CEP152: variants seen among roughly 807,000 people sequenced by gnomAD.
The protein encoded by CEP152 is centrosomal protein of 152 kDa.
A neutral mutation model predicts 188.9 loss-of-function variants in CEP152; 132 were observed. The ratio of observed to expected loss-of-function variants is 0.70; its 90% CI spans 0.61 to 0.81. The LOEUF is 0.81. Ranked by LOEUF, CEP152 falls within the 30% of genes least tolerant of loss-of-function variation. The probability of loss-of-function intolerance (pLI) is 0.00; values close to 1 mark genes in which losing one functional copy is unlikely to be tolerated. For missense variants in CEP152, 1,914 were observed against 1,969.8 expected (o/e 0.97, Z 0.54); for synonymous variants, 649 against 666.6 (o/e 0.97, Z 0.41).
intron 18 of CEP152, among the ~76,000 whole-genome samples, 190 bp from the exon 19 acceptor site, chr15:48,760,456 C>T (rs1407164683): frequency 6.6e-6 from 1 of 152,200 alleles, no homozygotes; most frequent in African/African-American, 2.4e-5. Flanking sequence ...CTTCCCATAG[C>T]ATCCCATACA....
chr15:48,797,309 G>T lies in CEP152; in HGVS notation c.532C>A (p.His178Asn). ...VIKFSDPQWN[H>N]FQGPSCQGLE... ...TCAAGTTTTTACAATACCTGAAAAT[G>T]GTTCCATTGAGGATCTGAAAATTTA... The change falls in exon 5 of 27, where the codon CAT (histidine) becomes AAT (asparagine). Residue 178 changes from histidine (H) to asparagine (N), a missense_variant. Physicochemically the swap from His to Asn is moderately conservative, Grantham distance 68 (BLOSUM62 1). Coordinates refer to ENST00000380950, the MANE Select transcript of CEP152 (RefSeq NM_001194998.2). The T allele has an allele frequency of 6.2e-7, 1 of 1,613,950 alleles. No individual in the cohort carries two copies. Among genetic ancestry groups the T allele is most frequent in the Admixed American group, 1.7e-5 (1 of 60,016 alleles).
downstream of CEP152, among the ~76,000 whole-genome samples, chr15:48,737,102 G>A (rs1342210765): frequency 6.6e-6 from 1 of 152,146 alleles, no homozygotes; most frequent in Non-Finnish European, 1.5e-5. Flanking sequence ...CAAGAGTTAA[G>A]GTGACAGAGC....
intron 5 of CEP152, among the ~76,000 whole-genome samples, chr15:48,797,069 T>C (rs1290532004): frequency 1.3e-5 from 2 of 152,234 alleles, no homozygotes; most frequent in African/African-American, 4.8e-5. Flanking sequence ...TAATCAACTA[T>C]GTCCAAAGAG....
Position 48,760,281 on chromosome 15 carries a change from A to G in CEP152, c.2563-15T>C. On this transcript the variant is annotated splice_polypyrimidine_tract_variant and intron_variant, in intron 18 of 26. Coordinates refer to ENST00000380950, the MANE Select transcript of CEP152 (RefSeq NM_001194998.2). ...GCTATTTCTACCTGTAGGACATTGC[A>G]AAAGAAAGAGGTAAAGGGAAGTATA... 1 of 1,613,898 alleles carries G rather than the reference A, an allele frequency of 6.2e-7. No individual in the cohort carries two copies. Among genetic ancestry groups the G allele is most frequent in the East Asian group, 2.2e-5 (1 of 44,878 alleles).
chr15:48,781,433 T>A (rs1479310980), intron 11 of CEP152, 74 bp from the exon 12 acceptor site: 1 of 1,310,172 alleles, frequency 7.6e-7, no homozygotes, highest in Non-Finnish European at 1.1e-6. Flanking sequence ...TGTTTCAAAA[T>A]TTGTTTTAAT....
intron 25 of CEP152, 30 bp from the exon 26 acceptor site, chr15:48,741,734 T>C (rs955228126): frequency 2.5e-6 from 4 of 1,613,594 alleles, no homozygotes; most frequent in South Asian, 1.1e-5. Flanking sequence ...ATTAAAAATA[T>C]AGTTTAAAGG....
In CEP152 at chr15:48,756,374, A is replaced by G. The variant is rs1163494521; in HGVS notation, c.2874T>C (p.Ser958=). The G allele has an allele frequency of 1.9e-6, 3 of 1,590,946 alleles. No individual in the cohort carries two copies. The highest frequency in any genetic ancestry group is 2.2e-5 in the East Asian group (1 of 44,596). ...CTTCTTGCTTTTCTTTGTTCCATTC[A>G]CTCCGAGCCTTAGCTAACTCAGCCC... is the stretch of plus-strand genomic sequence containing the variant. ...VIRAELAKAR[S]EWNKEKQEEI... The change falls in exon 20 of 27, where the codon AGT becomes AGC. Residue 958 remains serine, a synonymous_variant. Transcript: ENST00000380950.
chr15:48,793,172 A>G (rs1309982045), intron 7 of CEP152, 149 bp downstream of exon 7: 4 of 858,000 alleles, frequency 4.7e-6, no homozygotes, highest in Non-Finnish European at 7.5e-6. Flanking sequence ...ACACTCAGAA[A>G]TCCTGGGTTT....
intron 2 of CEP152, among the ~76,000 whole-genome samples, chr15:48,800,085 A>C (rs1435958384): frequency 6.6e-6 from 1 of 152,226 alleles, no homozygotes; most frequent in African/African-American, 2.4e-5. Flanking sequence ...AAAAAACTAC[A>C]TAATAATTCA....
intron 17 of CEP152, chr15:48,765,706 T>A (rs1346023853): frequency 5.5e-6 from 2 of 364,082 alleles, no homozygotes; most frequent in Non-Finnish European, 1.0e-5. Context: ...CAGGCTGGAG[T>A]GCAGTGGCGC....
chr15:48,806,883 T>C lies in CEP152; in HGVS notation c.-7-1227A>G, dbSNP rs971052013. 8.5e-5 allele frequency among the ~76,000 whole-genome samples: 13 copies of C among 152,292 alleles called. 1 individual carries two copies. The highest frequency in any genetic ancestry group is 3.4e-3 in the Middle Eastern group (1 of 294). ...TTTAGGACGCAGTCTATGTTGTAGA[T>C]ATTAAAGTGTGAAAAGAAAATATGC... On this transcript the variant is annotated intron_variant, in intron 1 of 26. Coordinates refer to ENST00000380950, the MANE Select transcript of CEP152 (RefSeq NM_001194998.2).
At chr15:48,734,995 T>C (rs1340078239), downstream of CEP152, among the ~76,000 whole-genome samples, 6 of 152,192 alleles carry the variant, frequency 3.9e-5, no homozygotes, top group Admixed American at 3.9e-4. Flanking sequence ...TATAGCAGAC[T>C]TGAACAATGC....
At chr15:48,739,333 T>A (rs1482717141) in intron 26 of CEP152, 45 bp from the exon 27 acceptor site, 1 of 1,564,026 alleles carries the variant, frequency 6.4e-7, no homozygotes, top group East Asian at 2.3e-5. Context: ...AATTAATATT[T>A]AAAGGGAAGA....
At chr15:48,775,708 A>C (rs926699560) in intron 12 of CEP152, among the ~76,000 whole-genome samples, 5 of 152,148 alleles carry the variant, frequency 3.3e-5, no homozygotes, top group Non-Finnish European at 5.9e-5. Flanking sequence ...CAGGAAGTAG[A>C]TTAGTAGATT....
chr15:48,742,088 C>G lies in CEP152; in HGVS notation c.3848G>C (p.Arg1283Pro), dbSNP rs755835212. Reference protein sequence around the residue: ...AVKKIKCDMLRYIQESKERAA... With the variant: ...AVKKIKCDMLPYIQESKERAA... ...TCGTTCCTTACTCTCCTGAATATAA[C>G]GAAGCATGTCACCTATAGGGAAGTG... Residue 1283 changes from arginine to proline, a missense_variant, in exon 25 of 27, where the codon CGT becomes CCT. Physicochemically the swap from Arg to Pro is moderately radical, Grantham distance 103. Transcript: ENST00000380950. 2 of 1,613,994 alleles carry G rather than the reference C, an allele frequency of 1.2e-6. No individual in the cohort carries two copies. The highest frequency in any genetic ancestry group is 1.3e-5 in the African/African-American group (1 of 75,006).
At chr15:48,739,427 A>G (rs1892806634) in intron 26 of CEP152, 139 bp from the exon 27 acceptor site, 2 of 1,285,502 alleles carry the variant, frequency 1.6e-6, no homozygotes, top group East Asian at 2.7e-5. Context: ...GAATGCTTAT[A>G]TACTGTAATA....
chr15:48,758,400 A>C (rs890038921), intron 19 of CEP152, among the ~76,000 whole-genome samples: 12 of 152,098 alleles, frequency 7.9e-5, no homozygotes, highest in African/African-American at 2.9e-4. Flanking sequence ...GTGTAGTCCA[A>C]AGACCAGCTG....
rs146202415 is a variant in CEP152 at position 48,769,408 on chromosome 15, A to C, written c.1783-327T>G. ...CTCCTCCAATCTAGGACAGCTCTTC[A>C]GTCTTTCAAACCCATGATGTTTTCT... On this transcript the variant is annotated intron_variant, in intron 13 of 26. Transcript: ENST00000380950. Among the ~76,000 whole-genome samples the C allele has an allele frequency of 6.4e-3, 968 of 152,296 alleles. 10 individuals carry two copies. The highest frequency in any genetic ancestry group is 0.022 in the African/African-American group (933 of 41,558).
intron 19 of CEP152, among the ~76,000 whole-genome samples, chr15:48,758,910 C>G (rs1894473940): frequency 3.3e-5 from 5 of 151,932 alleles, no homozygotes; most frequent in Admixed American, 3.3e-4. Context: ...AAACATACAG[C>G]CTTCTATGTT....
Sources: gnomAD v4.1 joint callset for allele counts (sites outside exome capture counted in the v4.1 genomes callset) on GRCh38, gnomAD v4.1.1 for gene constraint, MANE v1.5 for transcripts, NCBI Gene and HGNC (gene_info 2026-07-23, HGNC 2026-07-21) for gene names.